Variants in DOCK1 observed in about 807,000 individuals in gnomAD.
DOCK1 encodes the protein dedicator of cytokinesis 1, also known as dedicator of cytokinesis protein 1.
DOCK1 carries 138 observed loss-of-function variants against 262.7 expected under a neutral mutation model. That is an observed-to-expected ratio of 0.53 (90% confidence interval 0.46 to 0.61). The LOEUF is 0.61. DOCK1 is among the 20% of genes least tolerant of loss of function. The pLI, the probability that DOCK1 is intolerant of heterozygous loss-of-function variation, is 0.00. For missense variants in DOCK1, 1,908 were observed against 2,370.7 expected, an observed-to-expected ratio of 0.80 and a Z score of 4.05; for synonymous variants, 866 against 867.4, an observed-to-expected ratio of 1.00 and a Z score of 0.03.
chr10:127,139,719 G>A (rs990858028), intron 27 of DOCK1, among the ~76,000 whole-genome samples: 8 of 152,138 alleles, frequency 5.3e-5, no homozygotes, highest in Non-Finnish European at 4.4e-5. Flanking sequence ...GGAGTCGGGG[G>A]CTCCTTAAAC....
chr10:127,289,787 A>G (rs1055183588), intron 29 of DOCK1, among the ~76,000 whole-genome samples: 1 of 150,888 alleles, frequency 6.6e-6, no homozygotes, highest in Admixed American at 6.6e-5. Flanking sequence ...CATTACTTCT[A>G]CCTCATTCCC....
In DOCK1 at chr10:127,409,316, T is replaced by G; in HGVS notation, c.4268T>G (p.Ile1423Ser). The change falls in exon 42 of 52, where the codon ATT becomes AGT. Residue 1423 changes from isoleucine (I) to serine (S), a missense_variant. Physicochemically the swap from Ile to Ser is moderately radical, Grantham distance 142 (BLOSUM62 -2). Coordinates refer to ENST00000623213, the MANE Select transcript of DOCK1 (RefSeq NM_001290223.2). ...DDIKNSPGQY[I>S]QCFTVKPKLD... ...ATCCTTAACCCCCTCACCTCAGATA[T>G]TCAGTGCTTCACAGTGAAGCCCAAA... The G allele has an allele frequency of 6.2e-7, 1 of 1,613,898 alleles. No homozygotes were observed. The highest frequency in any genetic ancestry group is 1.1e-5 in the South Asian group (1 of 91,074).
Position 126,990,531 on chromosome 10 carries a change from C to T in DOCK1, c.401C>T (p.Ser134Phe). 1 of 1,613,764 alleles carries T rather than the reference C, an allele frequency of 6.2e-7. No homozygotes were observed. The highest frequency in any genetic ancestry group is 8.5e-7 in the Non-Finnish European group (1 of 1,179,822). ...DLIEWRSQILSGTLPQDELKE... is the reference protein window; with the variant it reads ...DLIEWRSQILFGTLPQDELKE... ...ATTGAATGGCGATCACAAATTCTTT[C>T]TGGAACTCTGCCTCAGGATGAACTC... The change falls in exon 6 of 52, where the codon TCT (serine) becomes TTT (phenylalanine). Residue 134 changes from serine (S) to phenylalanine (F), a missense_variant. Transcript: ENST00000623213.
At chr10:127,276,670 C>T (rs2060754088) in intron 29 of DOCK1, among the ~76,000 whole-genome samples, 3 of 152,162 alleles carry the variant, frequency 2.0e-5, no homozygotes, top group African/African-American at 4.8e-5. Flanking sequence ...ATAGATTGTA[C>T]ACCTCTGCTC....
At chr10:127,280,036 T>A (rs866303572) in intron 29 of DOCK1, among the ~76,000 whole-genome samples, 108 of 79,398 alleles carry the variant, frequency 1.4e-3, no homozygotes, top group African/African-American at 3.4e-3. Flanking sequence ...ATATATATAA[T>A]TTTTTTTTTT....
At chr10:127,418,735 CA>C (rs1234255109) in intron 45 of DOCK1, among the ~76,000 whole-genome samples, 194 bp downstream of exon 45, 3 of 152,240 alleles carry the variant, frequency 2.0e-5, no homozygotes, top group Non-Finnish European at 4.4e-5. Context: ...GGAGTCCCGG[CA>C]AGGCTCCCCT....
intron 35 of DOCK1, among the ~76,000 whole-genome samples, chr10:127,375,065 C>T (rs1282287072): frequency 6.6e-6 from 1 of 152,268 alleles, no homozygotes; most frequent in Non-Finnish European, 1.5e-5. Context: ...TTTTGCATTC[C>T]TGCTGTTGCC....
At chr10:127,190,845 T>C (rs2056701688) in intron 27 of DOCK1, among the ~76,000 whole-genome samples, 1 of 151,928 alleles carries the variant, frequency 6.6e-6, no homozygotes, top group Non-Finnish European at 1.5e-5. Flanking sequence ...TTCCCAGTGC[T>C]ACTGAGACTG....
intron 46 of DOCK1, among the ~76,000 whole-genome samples, chr10:127,425,482 T>C (rs2068757416): frequency 6.6e-6 from 1 of 152,230 alleles, no homozygotes; most frequent in Non-Finnish European, 1.5e-5. Context: ...CCTTTTGGAA[T>C]AGGGTTCTCG....
At chr10:127,256,576 C>A (rs2059831976) in intron 28 of DOCK1, among the ~76,000 whole-genome samples, 1 of 152,228 alleles carries the variant, frequency 6.6e-6, no homozygotes, top group Admixed American at 6.5e-5. Context: ...CTGTCAAGCT[C>A]TGGAAAGTAG....
chr10:127,150,076 G>A (rs577778505), intron 27 of DOCK1, among the ~76,000 whole-genome samples: 1 of 152,266 alleles, frequency 6.6e-6, no homozygotes, highest in South Asian at 2.1e-4. Flanking sequence ...AACAAGACAT[G>A]GATGTAGATT....
At chr10:127,041,981 T>C (rs2044046882) in intron 19 of DOCK1, among the ~76,000 whole-genome samples, 1 of 152,246 alleles carries the variant, frequency 6.6e-6, no homozygotes, top group South Asian at 2.1e-4. Flanking sequence ...TGACTTGTAG[T>C]GTGACATGCC....
At chr10:127,425,089 A>C (rs981640520) in intron 46 of DOCK1, among the ~76,000 whole-genome samples, 1 of 152,228 alleles carries the variant, frequency 6.6e-6, no homozygotes, top group Non-Finnish European at 1.5e-5. Flanking sequence ...TATTAGGAAA[A>C]TCTGTTTTTA....
At chr10:127,223,817 G>A (rs1203094616) in intron 27 of DOCK1, among the ~76,000 whole-genome samples, 2 of 151,658 alleles carry the variant, frequency 1.3e-5, no homozygotes, top group African/African-American at 4.9e-5. Flanking sequence ...TTTTTAAGCT[G>A]ATCACTGTCT....
intron 15 of DOCK1, 41 bp downstream of exon 15, chr10:127,024,824 TG>T: frequency 6.6e-7 from 1 of 1,506,204 alleles, no homozygotes; most frequent in African/African-American, 1.4e-5. Flanking sequence ...GCGCTGATTA[TG>T]AAATGCTCAT....
chr10:127,387,977 G>A (rs1324892444), intron 38 of DOCK1, among the ~76,000 whole-genome samples: 1 of 152,116 alleles, frequency 6.6e-6, no homozygotes, highest in East Asian at 1.9e-4. Context: ...GTTCTCAACT[G>A]AGATCTGCAG....
intron 44 of DOCK1, 83 bp downstream of exon 44, chr10:127,415,321 C>A: frequency 7.2e-7 from 1 of 1,386,832 alleles, no homozygotes; most frequent in Non-Finnish European, 1.0e-6. Flanking sequence ...TGCTCATGCC[C>A]CGTGGTCACT....
intron 29 of DOCK1, among the ~76,000 whole-genome samples, chr10:127,261,448 TGTGTGTGC>T (rs1437439089): frequency 4.3e-5 from 6 of 138,734 alleles, no homozygotes; most frequent in Admixed American, 2.8e-4. Flanking sequence ...TGTACCTGCA[TGTGTGTGC>T]GTGTGTGTGT....
chr10:127,363,243 C>T lies in DOCK1; in HGVS notation c.3432+1031C>T, dbSNP rs139941725. 1.7e-3 allele frequency among the ~76,000 whole-genome samples: 264 copies of T among 152,274 alleles called. 1 individual carries two copies. Among genetic ancestry groups the T allele is most frequent in the African/African-American group, 6.0e-3 (251 of 41,560 alleles). On this transcript the variant is annotated intron_variant, in intron 33 of 51. Transcript: ENST00000623213. Reference sequence around the variant, plus strand: ...CATTATACTGGACCGGATGTGGTTGCCCACGCCTGTAATCCTAGCACTTTG... The same window carrying T: ...CATTATACTGGACCGGATGTGGTTGTCCACGCCTGTAATCCTAGCACTTTG...
Sources: gnomAD v4.1 joint callset for allele counts (sites outside exome capture counted in the v4.1 genomes callset) on GRCh38, gnomAD v4.1.1 for gene constraint, MANE v1.5 for transcripts, NCBI Gene and HGNC (gene_info 2026-07-23, HGNC 2026-07-21) for gene names.